The following BICRA variants were observed in gnomAD, a reference collection of about 807,000 sequenced individuals.
BICRA encodes the protein BRD4-interacting chromatin-remodeling complex-associated protein.
A neutral mutation model predicts 96.9 loss-of-function variants in BICRA; 31 were observed. That is an observed-to-expected ratio of 0.32 (90% CI 0.24 to 0.43). The LOEUF (loss-of-function observed/expected upper bound fraction) is 0.43, where lower values mean the gene tolerates loss of function less well. Ranked by LOEUF, BICRA falls within the 20% of genes least tolerant of loss-of-function variation. The pLI is 1.00. For missense variants in BICRA, 2,283 were observed against 2,190.3 expected (o/e 1.04, Z -0.84); for synonymous variants, 1,350 against 1,071.8 (o/e 1.26, Z -5.07).
At chr19:47,682,581 C>A (rs1357341019) in intron 7 of BICRA, among the ~76,000 whole-genome samples, 2 of 151,844 alleles carry the variant, frequency 1.3e-5, no homozygotes, top group Admixed American at 6.6e-5. Context: ...TCTTTTCCTT[C>A]AATTTTTACA....
chr19:47,677,126 T>C (rs1462180690), intron 5 of BICRA, among the ~76,000 whole-genome samples: 1 of 152,180 alleles, frequency 6.6e-6, no homozygotes, highest in Non-Finnish European at 1.5e-5. Context: ...CTCATGGGAC[T>C]GTCACCAACA....
At chr19:47,684,863 T>G (rs1276412831) in intron 7 of BICRA, among the ~76,000 whole-genome samples, 3 of 152,200 alleles carry the variant, frequency 2.0e-5, no homozygotes, top group African/African-American at 7.2e-5. Context: ...GCATGGATTT[T>G]GCATCTAAAA....
chr19:47,637,788 G>A (rs1356300161), intron 1 of BICRA, among the ~76,000 whole-genome samples: 1 of 152,006 alleles, frequency 6.6e-6, no homozygotes, highest in Non-Finnish European at 1.5e-5. Flanking sequence ...AAACATGATC[G>A]TACACTAGCC....
rs1973447467 is a variant in BICRA, at chr19:47,701,584, C to G, written c.3852C>G (p.Asp1284Glu). Residue 1284 changes from aspartate to glutamate, a missense_variant, in exon 15 of 15, where the codon GAC (aspartate) becomes GAG (glutamate). Asp to Glu is a conservative substitution (Grantham distance 45). Transcript: ENST00000594866. The surrounding 1 kb of genome is among the most constrained non-coding windows in gnomAD (Gnocchi z 5.4). The stretch of plus-strand genomic sequence containing the variant: ...CTGCCGCCTCCTCCTTGGACGCCGA[C>G]GAGGACGGCCCCATGCCCTCCCGCA... Reference protein sequence around the residue: ...SSSAASSLDADEDGPMPSRNR... With the variant: ...SSSAASSLDAEEDGPMPSRNR... The G allele has an allele frequency of 1.9e-6, 3 of 1,555,526 alleles. No homozygotes were observed. In the East Asian group the frequency reaches 7.3e-5, roughly 38 times the overall value.
Position 47,682,080 on chromosome 19 carries a change from C to A in BICRA, c.2211C>A (p.Thr737=). Residue 737 remains threonine, a synonymous_variant, in exon 7 of 15, where the codon ACC becomes ACA. Coordinates refer to ENST00000594866, the MANE Select transcript of BICRA (RefSeq NM_001394372.1). ...PPPAQDPAPA[T]PVAKGAGLGP... ...CCGCCCAAGACCCAGCCCCAGCCACCCCCGTCGCCAAAGGAGCTGGCCTCG... is the reference window on the plus strand; with the variant it reads ...CCGCCCAAGACCCAGCCCCAGCCACACCCGTCGCCAAAGGAGCTGGCCTCG... 1 of 1,518,560 alleles carries A rather than the reference C, an allele frequency of 6.6e-7. No individual in the cohort carries two copies. The highest frequency in any genetic ancestry group is 8.9e-7 in the Non-Finnish European group (1 of 1,119,148). The allele number at this position is 1,518,560 out of a possible 1,614,324, so 94.1% of individuals were successfully genotyped here.
At chr19:47,662,819 C>T (rs1689398716) in intron 1 of BICRA, 2 of 152,142 alleles carry the variant, frequency 1.3e-5, no homozygotes, top group Non-Finnish European at 2.9e-5. Context: ...AGGAGAATTT[C>T]TGGCCACTTT....
At chr19:47,609,974 G>A (rs1052888053) in intron 1 of BICRA, among the ~76,000 whole-genome samples, 27 of 152,328 alleles carry the variant, frequency 1.8e-4, no homozygotes, top group Non-Finnish European at 3.4e-4. Flanking sequence ...GGGTGGGGGG[G>A]GTGAGCGCCT....
At chr19:47,695,342 T>TCACCCCCCCCCCCCCCCCC in intron 9 of BICRA, 23 bp from the exon 10 acceptor site, 1 of 630,200 alleles carries the variant, frequency 1.6e-6, no homozygotes, top group Non-Finnish European at 2.8e-6. Flanking sequence ...AGGCCCTGTC[T>TCACCCCCCCCCCCCCCCCC]CCCCCACCCC....
At chr19:47,628,352 T>C (rs1256226564) in intron 1 of BICRA, among the ~76,000 whole-genome samples, 2 of 152,150 alleles carry the variant, frequency 1.3e-5, no homozygotes, top group Non-Finnish European at 2.9e-5. Context: ...GTGAGGCTGC[T>C]GTGGTCAGGG....
At chr19:47,677,466 G>C (rs1379776465) in intron 5 of BICRA, among the ~76,000 whole-genome samples, 1 of 152,226 alleles carries the variant, frequency 6.6e-6, no homozygotes, top group Non-Finnish European at 1.5e-5. Context: ...GGAGGCCGAG[G>C]TGGGCGGATC....
At chr19:47,617,913 C>T (rs1972009099) in intron 1 of BICRA, among the ~76,000 whole-genome samples, 1 of 151,964 alleles carries the variant, frequency 6.6e-6, no homozygotes, top group Admixed American at 6.6e-5. Flanking sequence ...TTCTGGGATC[C>T]AGAATTTGTT....
chr19:47,651,478 G>T (rs1348782022), intron 1 of BICRA, among the ~76,000 whole-genome samples: 1 of 152,014 alleles, frequency 6.6e-6, no homozygotes, highest in Non-Finnish European at 1.5e-5. Flanking sequence ...CCCATTCTTG[G>T]CATCCTTGCC....
In BICRA at chr19:47,698,808, T is replaced by A; in HGVS notation, c.3397+26T>A. On this transcript the variant is annotated intron_variant, in intron 12 of 14. Coordinates refer to ENST00000594866, the MANE Select transcript of BICRA (RefSeq NM_001394372.1). This position sits in a 1 kb window ranked among gnomAD's most constrained non-coding sequence, Gnocchi z 4.8. ...GTGAGGCCTCCCCAGGACACGGCCC[T>A]ATATGTCCCAGGGGACCCCAGCCCG... is the stretch of plus-strand genomic sequence containing the variant. 1.3e-6 allele frequency: 2 copies of A among 1,566,910 alleles called. No homozygotes were observed. Among genetic ancestry groups the A allele is most frequent in the East Asian group, 2.3e-5 (1 of 43,310 alleles).
chr19:47,655,173 T>C (rs1224121684), intron 1 of BICRA, among the ~76,000 whole-genome samples: 4 of 152,164 alleles, frequency 2.6e-5, no homozygotes, highest in African/African-American at 9.7e-5. Context: ...GTCCTTTTTG[T>C]GGTCTAGTTA....
chr19:47,639,059 A>G (rs574340409), intron 1 of BICRA, among the ~76,000 whole-genome samples: 1 of 152,160 alleles, frequency 6.6e-6, no homozygotes, highest in East Asian at 1.9e-4. Flanking sequence ...ACTGGAGTGC[A>G]GTGGTGTGAT....
chr19:47,609,611 C>T (rs1971865918), intron 1 of BICRA, among the ~76,000 whole-genome samples: 2 of 151,592 alleles, frequency 1.3e-5, no homozygotes, highest in African/African-American at 2.4e-5. Flanking sequence ...GCGCGGAGAC[C>T]CCCTCCCCGT....
At chr19:47,617,491 G>C (rs1230550166) in intron 1 of BICRA, among the ~76,000 whole-genome samples, 1 of 151,878 alleles carries the variant, frequency 6.6e-6, no homozygotes, top group Non-Finnish European at 1.5e-5. Flanking sequence ...AGTCTCCCGA[G>C]TAGCTGGAAT....
rs1217679642 is a variant in BICRA at position 47,701,377 on chromosome 19, T to C, written c.3645T>C (p.Ser1215=). The change falls in exon 15 of 15, where the codon TCT becomes TCC. Residue 1215 remains serine (S), a synonymous_variant. Transcript: ENST00000594866. The surrounding 1 kb of genome is among the most constrained non-coding windows in gnomAD (Gnocchi z 5.4). ...CGCTCGGCCTCCCCATCGCAGCCTCTTCCGAGGGTCATCGGCTTCCCGGCC... is the reference window on the plus strand; with the variant it reads ...CGCTCGGCCTCCCCATCGCAGCCTCCTCCGAGGGTCATCGGCTTCCCGGCC... ...SRSLGLPIAA[S]SEGHRLPGHG... 6.2e-7 allele frequency: 1 copy of C among 1,611,036 alleles called. No homozygotes were observed. Among genetic ancestry groups the C allele is most frequent in the Non-Finnish European group, 8.5e-7 (1 of 1,179,102 alleles).
At chr19:47,637,204 T>C (rs906075448) in intron 1 of BICRA, among the ~76,000 whole-genome samples, 4 of 142,434 alleles carry the variant, frequency 2.8e-5, no homozygotes, top group Non-Finnish European at 1.5e-5. Flanking sequence ...ACTGAAAGCT[T>C]CACCTCCCGG....
Sources: allele counts gnomAD v4.1 joint callset (sites outside exome capture counted in the v4.1 genomes callset), GRCh38; gene constraint gnomAD v4.1.1; non-coding constraint Gnocchi (gnomAD v3.1); transcripts MANE v1.5; gene names NCBI Gene and HGNC (gene_info 2026-07-23, HGNC 2026-07-21).